Variants in ZNF385D observed in about 807,000 individuals in gnomAD.
ZNF385D encodes zinc finger protein 385D, also known as zinc finger protein 659.
Under a neutral mutation model 35.8 loss-of-function variants are expected in ZNF385D, and 15 were observed. The observed-to-expected ratio is 0.42, with a 90% CI of 0.28 to 0.64. The LOEUF (loss-of-function observed/expected upper bound fraction) is 0.64. ZNF385D is among the 30% of genes least tolerant of loss of function. The pLI is 0.23. For missense variants in ZNF385D, 474 were observed against 494.6 expected, an observed-to-expected ratio of 0.96 and a Z score of 0.39; for synonymous variants, 212 against 186.8, an observed-to-expected ratio of 1.13 and a Z score of -1.10.
intron 3 of ZNF385D, among the ~76,000 whole-genome samples, chr3:21,813,039 AT>A (rs2073000649): frequency 6.6e-6 from 1 of 152,120 alleles, no homozygotes; most frequent in Non-Finnish European, 1.5e-5. Flanking sequence ...GTTCTGCAAT[AT>A]TTGCTGTTCT....
At chr3:22,154,332 T>C (rs1347096065) in intron 3 of ZNF385D, among the ~76,000 whole-genome samples, 1 of 152,186 alleles carries the variant, frequency 6.6e-6, no homozygotes, top group Non-Finnish European at 1.5e-5. Context: ...CTCTGCTACA[T>C]CATTAAGTCA....
At chr3:22,131,876 A>G (rs1703815844) in intron 3 of ZNF385D, among the ~76,000 whole-genome samples, 1 of 152,192 alleles carries the variant, frequency 6.6e-6, no homozygotes, top group African/African-American at 2.4e-5. Context: ...GGGAAACATA[A>G]TATGATTATT....
intron 2 of ZNF385D, among the ~76,000 whole-genome samples, chr3:21,612,551 C>G (rs1279937214): frequency 4.6e-5 from 7 of 152,170 alleles, no homozygotes; most frequent in Non-Finnish European, 1.0e-4. Flanking sequence ...GTGGGAGAAC[C>G]TATTCATTTG....
rs571831685 is a variant in ZNF385D at position 21,492,486 on chromosome 3, T to TA, written c.439+18374dup. 6.8e-3 allele frequency among the ~76,000 whole-genome samples: 948 copies of TA among 139,098 alleles called. 2 individuals are homozygous for TA. Among genetic ancestry groups the TA allele is most frequent in the Admixed American group, 9.6e-3 (132 of 13,758 alleles). 91.3% of individuals were successfully genotyped at this position (139,098 alleles called of 152,430 possible). On this transcript the variant is annotated intron_variant, in intron 4 of 7. Coordinates refer to ENST00000281523, the MANE Select transcript of ZNF385D (RefSeq NM_024697.3). The stretch of plus-strand genomic sequence containing the variant: ...TTTCTTTTACTACTCTTCGTATTAC[T>TA]AAAAAAAAAAAAATGGCCGGGCATG...
intron 3 of ZNF385D, among the ~76,000 whole-genome samples, chr3:21,861,513 G>C (rs868266984): frequency 1.3e-5 from 2 of 152,056 alleles, no homozygotes; most frequent in African/African-American, 2.4e-5. Flanking sequence ...AATGTCTACG[G>C]GGAGAATTTT....
At chr3:22,015,372 A>T (rs1440221841) in intron 3 of ZNF385D, among the ~76,000 whole-genome samples, 1 of 152,180 alleles carries the variant, frequency 6.6e-6, no homozygotes, top group Non-Finnish European at 1.5e-5. Flanking sequence ...AAACCCTCTC[A>T]TATCATGAAC....
chr3:22,334,362 T>C (rs1468612931), intron 2 of ZNF385D, among the ~76,000 whole-genome samples: 7 of 152,156 alleles, frequency 4.6e-5, no homozygotes, highest in African/African-American at 1.4e-4. Context: ...AGCCTAAGAA[T>C]CAAAGGGCTT....
intron 3 of ZNF385D, among the ~76,000 whole-genome samples, chr3:22,107,586 A>C (rs911508540): frequency 6.6e-6 from 1 of 152,274 alleles, no homozygotes; most frequent in Non-Finnish European, 1.5e-5. Context: ...AAATTACATA[A>C]TTTTATTTAA....
chr3:22,112,741 A>G (rs2125648208), intron 3 of ZNF385D, among the ~76,000 whole-genome samples: 1 of 152,236 alleles, frequency 6.6e-6, no homozygotes, highest in Non-Finnish European at 1.5e-5. Flanking sequence ...TTCCATTCTC[A>G]GGAAAGGCTA....
intron 4 of ZNF385D, among the ~76,000 whole-genome samples, chr3:21,476,043 G>C (rs757005725): frequency 2.2e-4 from 33 of 152,070 alleles, no homozygotes; most frequent in Non-Finnish European, 4.4e-4. Flanking sequence ...ATAGAGCACA[G>C]TTAAATATTC....
chr3:22,065,837 C>T (rs1350980143), intron 3 of ZNF385D, among the ~76,000 whole-genome samples: 3 of 152,102 alleles, frequency 2.0e-5, no homozygotes, highest in Non-Finnish European at 4.4e-5. Context: ...CTTTTAATCT[C>T]TTATCTCCTC....
chr3:21,577,061 AATCTAT>A (rs2063517005), intron 2 of ZNF385D, among the ~76,000 whole-genome samples: 1 of 152,174 alleles, frequency 6.6e-6, no homozygotes, highest in South Asian at 2.1e-4. Flanking sequence ...ATAAGAACTT[AATCTAT>A]ATCTTTAATA....
At chr3:22,285,814 C>T (rs1477133775) in intron 2 of ZNF385D, among the ~76,000 whole-genome samples, 1 of 152,090 alleles carries the variant, frequency 6.6e-6, no homozygotes, top group East Asian at 1.9e-4. Context: ...GAATTTGTTC[C>T]CACTCAACTG....
At chr3:22,278,823 C>G (rs952735851) in intron 2 of ZNF385D, among the ~76,000 whole-genome samples, 1 of 152,048 alleles carries the variant, frequency 6.6e-6, no homozygotes, top group Non-Finnish European at 1.5e-5. Context: ...CAGATGCTGG[C>G]TATCTTGTGG....
At chr3:21,974,501 C>A (rs1432616497) in intron 3 of ZNF385D, among the ~76,000 whole-genome samples, 2 of 152,046 alleles carry the variant, frequency 1.3e-5, no homozygotes. Context: ...CTCTCTAGGG[C>A]ATTGGTCTGG....
intron 2 of ZNF385D, among the ~76,000 whole-genome samples, chr3:22,187,443 C>G (rs555598720): frequency 5.9e-5 from 9 of 151,992 alleles, no homozygotes; most frequent in African/African-American, 1.4e-4. Context: ...GAAAACTTTC[C>G]TATGGTGACT....
intron 2 of ZNF385D, among the ~76,000 whole-genome samples, chr3:21,643,790 A>G (rs1192336434): frequency 1.3e-5 from 2 of 152,176 alleles, no homozygotes; most frequent in Admixed American, 1.3e-4. Flanking sequence ...TGTGGTGTCC[A>G]ATGCTAGCCA....
chr3:21,728,698 A>G (rs1306449039), intron 1 of ZNF385D, among the ~76,000 whole-genome samples: 5 of 152,126 alleles, frequency 3.3e-5, no homozygotes, highest in Admixed American at 1.3e-4. Flanking sequence ...AGCTTCCCCA[A>G]TGTACTCAGC....
chr3:22,317,280 C>CAAAAAAAAAAAAAAAAAAAAAAAAAA (rs59675675), intron 2 of ZNF385D, among the ~76,000 whole-genome samples: 10 of 26,102 alleles, frequency 3.8e-4, no homozygotes, highest in South Asian at 1.8e-3. Flanking sequence ...ACTCCATCTC[C>CAAAAAAAAAAAAAAAAAAAAAAAAAA]AAAAAAAAAA....
Sources: gnomAD v4.1 joint callset for allele counts (sites outside exome capture counted in the v4.1 genomes callset) on GRCh38, gnomAD v4.1.1 for gene constraint, MANE v1.5 for transcripts, NCBI Gene and HGNC (gene_info 2026-07-23, HGNC 2026-07-21) for gene names.